Variants in OR51B5 observed in about 807,000 individuals in gnomAD.
OR51B5 encodes the protein olfactory receptor 51B5.
For synonymous variants in OR51B5, 186 were observed against 144.8 expected (o/e 1.28, Z -2.04); for missense variants, 456 against 374.6 (o/e 1.22, Z -1.79).
chr11:5,415,447 G>A (rs1227273359), intron 1 of OR51B5, among the ~76,000 whole-genome samples: 3 of 151,242 alleles, frequency 2.0e-5, no homozygotes, highest in Admixed American at 1.3e-4. Context: ...AAAGGAAATA[G>A]AGACACAAAA....
At chr11:5,417,882 T>C (rs1454484731) in intron 1 of OR51B5, among the ~76,000 whole-genome samples, 2 of 89,686 alleles carry the variant, frequency 2.2e-5, no homozygotes, top group Non-Finnish European at 5.1e-5. Flanking sequence ...GAACTAGAAA[T>C]ACCATTTGAC....
At chr11:5,464,184 T>C (rs1356430294) in intron 1 of OR51B5, among the ~76,000 whole-genome samples, 3 of 152,232 alleles carry the variant, frequency 2.0e-5, no homozygotes, top group South Asian at 2.1e-4. Context: ...AACTTAATCA[T>C]TTGCCAAGTG....
chr11:5,368,087 G>A (rs943227238), intron 1 of OR51B5, among the ~76,000 whole-genome samples: 1 of 152,156 alleles, frequency 6.6e-6, no homozygotes, highest in Non-Finnish European at 1.5e-5. Flanking sequence ...GGCTCACTCA[G>A]AACTCTCTTT....
At chr11:5,423,592 C>T (rs1012762573) in intron 1 of OR51B5, among the ~76,000 whole-genome samples, 1 of 152,132 alleles carries the variant, frequency 6.6e-6, no homozygotes, top group Non-Finnish European at 1.5e-5. Context: ...GTCACTCTCA[C>T]GGGTGATTGG....
At chr11:5,421,984 A>G in intron 1 of OR51B5, 1 of 514,418 alleles carries the variant, frequency 1.9e-6, no homozygotes, top group Non-Finnish European at 3.4e-6. Flanking sequence ...TTCCGTCATC[A>G]AGGGAAGATT....
chr11:5,377,993 G>T (rs1228055885), intron 1 of OR51B5, among the ~76,000 whole-genome samples: 1 of 151,540 alleles, frequency 6.6e-6, no homozygotes, highest in South Asian at 2.1e-4. Flanking sequence ...AAAAGAGCCT[G>T]CATTGCCAAG....
At chr11:5,408,022 C>G (rs759377859) in intron 1 of OR51B5, among the ~76,000 whole-genome samples, 10 of 152,092 alleles carry the variant, frequency 6.6e-5, no homozygotes, top group Non-Finnish European at 1.3e-4. Context: ...TCCCCAAAAA[C>G]ATATTTTCAC....
intron 1 of OR51B5, among the ~76,000 whole-genome samples, chr11:5,388,356 C>A (rs937344688): frequency 6.6e-6 from 1 of 151,374 alleles, no homozygotes; most frequent in Admixed American, 6.6e-5. Flanking sequence ...TAGTGAACTA[C>A]AGGAACACAT....
rs74379370 is a variant in OR51B5 at position 5,489,272 on chromosome 11, G to A, written n.84+16297C>T. The A allele has an allele frequency of 8.0e-5, 129 of 1,613,936 alleles. No homozygotes were observed. In the East Asian group the frequency reaches 9.4e-4, roughly 12 times the overall value. ...TACTGTGAGCATATGGGCATTGCCC[G>A]ACTGGCCTGTGCCAACATCACTGTC... On this transcript the variant is annotated intron_variant and non_coding_transcript_variant, in intron 1 of 4. Coordinates refer to the OR51B5 transcript ENST00000415970.
At chr11:5,404,412 G>C (rs1350183292) in intron 1 of OR51B5, among the ~76,000 whole-genome samples, 1 of 152,068 alleles carries the variant, frequency 6.6e-6, no homozygotes, top group African/African-American at 2.4e-5. Flanking sequence ...CTGTAAAAAC[G>C]CACCAACTAG....
intron 1 of OR51B5, among the ~76,000 whole-genome samples, chr11:5,473,069 AAT>A (rs1399164129): frequency 6.6e-6 from 1 of 152,240 alleles, no homozygotes; most frequent in Non-Finnish European, 1.5e-5. Flanking sequence ...TCATTAAGAA[AAT>A]TAGTTGATAT....
chr11:5,388,533 G>C (rs1337695961), intron 1 of OR51B5, among the ~76,000 whole-genome samples: 1 of 146,642 alleles, frequency 6.8e-6, no homozygotes, highest in Non-Finnish European at 1.5e-5. Flanking sequence ...AAATACAAAT[G>C]TTTACCTATG....
intron 1 of OR51B5, among the ~76,000 whole-genome samples, chr11:5,452,758 T>C (rs894069094): frequency 5.3e-5 from 8 of 152,314 alleles, no homozygotes; most frequent in African/African-American, 1.9e-4. Flanking sequence ...TTTGGAACAA[T>C]GCTCTCCCAC....
chr11:5,476,767 T>C (rs1224630433), intron 1 of OR51B5, among the ~76,000 whole-genome samples: 1 of 152,046 alleles, frequency 6.6e-6, no homozygotes, highest in East Asian at 2.0e-4. Context: ...ATCTGTTCTT[T>C]ACACTTCAGT....
intron 1 of OR51B5, among the ~76,000 whole-genome samples, chr11:5,385,759 A>G (rs991933066): frequency 6.7e-6 from 1 of 149,044 alleles, no homozygotes; most frequent in Non-Finnish European, 1.5e-5. Context: ...GTTTACATAT[A>G]TAAATATACA....
chr11:5,359,828 G>A (rs988099058), intron 1 of OR51B5, among the ~76,000 whole-genome samples: 7 of 152,000 alleles, frequency 4.6e-5, no homozygotes, highest in Admixed American at 2.0e-4. Context: ...AGAGGCCTCA[G>A]AAATAATGCC....
rs756835561 is a variant in OR51B5, at chr11:5,390,111, C to G, written n.85-43201G>C. ...TATGGACTCATCCTGCACACAGTAG[C>G]AGGCCTGGCCTCCCAAGAGGAGCAG... is the stretch of plus-strand genomic sequence containing the variant. On this transcript the variant is annotated intron_variant and non_coding_transcript_variant, in intron 1 of 4. Transcript: ENST00000415970. 3 of 1,613,792 alleles carry G rather than the reference C, an allele frequency of 1.9e-6. No homozygotes were observed. In the Admixed American group the frequency reaches 5.0e-5, roughly 27 times the overall value.
intron 1 of OR51B5, among the ~76,000 whole-genome samples, chr11:5,411,665 A>C (rs539929376): frequency 2.6e-5 from 4 of 152,234 alleles, no homozygotes; most frequent in Non-Finnish European, 5.9e-5. Context: ...AGGGCAGTTA[A>C]GGCTGCAGAT....
chr11:5,450,629 A>AT (rs1194731410), intron 1 of OR51B5, among the ~76,000 whole-genome samples: 1 of 151,904 alleles, frequency 6.6e-6, no homozygotes, highest in East Asian at 1.9e-4. Flanking sequence ...CTTTTGTGTA[A>AT]TTTTTTCTTA....
Sources: gnomAD v4.1 joint callset for allele counts (sites outside exome capture counted in the v4.1 genomes callset) on GRCh38, gnomAD v4.1.1 for gene constraint, MANE v1.5 for transcripts, NCBI Gene and HGNC (gene_info 2026-07-23, HGNC 2026-07-21) for gene names.